LRP6: variants seen among roughly 807,000 people sequenced by gnomAD.
LRP6 encodes low-density lipoprotein receptor-related protein 6.
In LRP6, 43 loss-of-function variants were observed where a neutral mutation model predicts 184.1. The observed-to-expected ratio is 0.23, with a 90% CI of 0.18 to 0.30. LRP6 has a LOEUF of 0.30. Among genes scored for constraint, LRP6 ranks in the 10% least tolerant of loss-of-function variants. LRP6 has a pLI of 1.00. For synonymous variants in LRP6, 719 were observed against 684.9 expected (o/e 1.05, Z -0.78); for missense variants, 1,571 against 2,005.3 (o/e 0.78, Z 4.14).
In LRP6 at chr12:12,163,529, A is replaced by T. The variant is rs528180515; in HGVS notation, c.2052+744T>A. 3.6e-4 allele frequency among the ~76,000 whole-genome samples: 55 copies of T among 152,318 alleles called. No individual in the cohort carries two copies. In the South Asian group the frequency reaches 0.011, roughly 32 times the overall value. On this transcript the variant is annotated intron_variant, in intron 9 of 22. Transcript: ENST00000261349. The stretch of plus-strand genomic sequence containing the variant: ...GAGCTTCCTCTCTGGCTATCCTGGT[A>T]TTCTTTTCAGTAACTATTCTAGGAA...
At chr12:12,144,580 G>A (rs1053963916) in intron 15 of LRP6, among the ~76,000 whole-genome samples, 2 of 152,204 alleles carry the variant, frequency 1.3e-5, no homozygotes, top group Non-Finnish European at 2.9e-5. Context: ...GTTTGAGGCT[G>A]CAGCAAGCTA....
chr12:12,168,434 G>A (rs564271219), intron 7 of LRP6, among the ~76,000 whole-genome samples: 3 of 152,224 alleles, frequency 2.0e-5, no homozygotes, highest in Non-Finnish European at 2.9e-5. Context: ...GGATGCACAC[G>A]ACATGTTTGA....
In LRP6 at chr12:12,150,993, C is replaced by T. The variant is rs779694836; in HGVS notation, c.2837G>A (p.Arg946His). ...LLFSQKSAIN[R>H]MVIDEQQSPD... Reference sequence around the variant, plus strand: ...GCTCTGTTGTTCATCAATCACCATGCGGTTGATGGCACTCTTTTGACTGAA... The same window carrying T: ...GCTCTGTTGTTCATCAATCACCATGTGGTTGATGGCACTCTTTTGACTGAA... The change falls in exon 13 of 23, where the codon CGC (arginine) becomes CAC (histidine). Residue 946 changes from arginine (R) to histidine (H), a missense_variant. Transcript: ENST00000261349. 2 of 1,614,056 alleles carry T rather than the reference C, an allele frequency of 1.2e-6. No homozygotes were observed. The highest frequency in any genetic ancestry group is 8.5e-7 in the Non-Finnish European group (1 of 1,179,968).
At chr12:12,203,585 T>G (rs540356098) in intron 2 of LRP6, among the ~76,000 whole-genome samples, 185 bp from the exon 3 acceptor site, 25 of 152,024 alleles carry the variant, frequency 1.6e-4, no homozygotes, top group Non-Finnish European at 3.2e-4. Flanking sequence ...GCCAACATGG[T>G]AAAAACCCAT....
chr12:12,237,400 G>A (rs1864954149), intron 2 of LRP6, among the ~76,000 whole-genome samples: 1 of 152,172 alleles, frequency 6.6e-6, no homozygotes. Context: ...TTGGCAAACA[G>A]CAAACATCAC....
chr12:12,215,619 G>A (rs1354640999), intron 2 of LRP6, among the ~76,000 whole-genome samples: 2 of 151,774 alleles, frequency 1.3e-5, no homozygotes, highest in African/African-American at 2.4e-5. Context: ...CCAAAGTGCT[G>A]GGATTACAGG....
chr12:12,137,430 C>T (rs368170401), intron 16 of LRP6, among the ~76,000 whole-genome samples: 62 of 152,124 alleles, frequency 4.1e-4, no homozygotes, highest in African/African-American at 1.5e-3. Context: ...TTTCTGGCTA[C>T]TTTTCTTTTT....
intron 2 of LRP6, among the ~76,000 whole-genome samples, chr12:12,236,722 G>C (rs1864940351): frequency 6.6e-6 from 1 of 152,084 alleles, no homozygotes; most frequent in Non-Finnish European, 1.5e-5. Flanking sequence ...CAGAACTCCG[G>C]GAAACACTTT....
At chr12:12,147,794 A>C (rs1950030753) in intron 14 of LRP6, among the ~76,000 whole-genome samples, 2 of 152,030 alleles carry the variant, frequency 1.3e-5, no homozygotes, top group Admixed American at 1.3e-4. Flanking sequence ...CAACACAGCA[A>C]AACCCCATTT....
intron 3 of LRP6, among the ~76,000 whole-genome samples, chr12:12,195,060 T>A (rs1863715602): frequency 1.3e-5 from 2 of 152,162 alleles, no homozygotes; most frequent in Non-Finnish European, 2.9e-5. Context: ...TAAATGGTAT[T>A]CCATTGTGTA....
intron 14 of LRP6, among the ~76,000 whole-genome samples, chr12:12,147,774 C>G (rs1195406247): frequency 6.6e-6 from 1 of 151,918 alleles, no homozygotes; most frequent in African/African-American, 2.4e-5. Context: ...GAGTGAGAGA[C>G]CAGCTTGGGC....
chr12:12,170,409 A>G (rs1368799359), intron 7 of LRP6, among the ~76,000 whole-genome samples: 1 of 152,120 alleles, frequency 6.6e-6, no homozygotes, highest in Non-Finnish European at 1.5e-5. Context: ...CTTTTCTCTC[A>G]ACCTGTAATC....
At chr12:12,158,679 C>G in intron 12 of LRP6, 150 bp downstream of exon 12, 1 of 736,594 alleles carries the variant, frequency 1.4e-6, no homozygotes. Context: ...TAATAAGTAA[C>G]AAACACTTGC....
intron 3 of LRP6, among the ~76,000 whole-genome samples, chr12:12,198,732 C>T (rs910383802): frequency 6.6e-6 from 1 of 151,884 alleles, no homozygotes; most frequent in Non-Finnish European, 1.5e-5. Flanking sequence ...CGGGGTTTCA[C>T]CATGTTGGCA....
chr12:12,165,679 C>A (rs932951813), intron 7 of LRP6, among the ~76,000 whole-genome samples: 30 of 152,218 alleles, frequency 2.0e-4, no homozygotes, highest in African/African-American at 6.5e-4. Flanking sequence ...TTTATAACAT[C>A]TTTTATTTTA....
intron 15 of LRP6, chr12:12,139,018 C>G: frequency 7.7e-7 from 1 of 1,305,192 alleles, no homozygotes; most frequent in East Asian, 5.3e-5. Flanking sequence ...ATAGAGTCAT[C>G]CAGACTCTGA....
rs186542685 is a variant in LRP6, at chr12:12,127,470, T to C, written c.4082-549A>G. 2.0e-3 allele frequency among the ~76,000 whole-genome samples: 304 copies of C among 152,292 alleles called. 1 individual carries two copies. The highest frequency in any genetic ancestry group is 1.5e-3 in the Non-Finnish European group (104 of 68,018). On this transcript the variant is annotated intron_variant, in intron 19 of 22. Transcript: ENST00000261349. ...ATGAATGAAAACTGGAAGCTAAAGA[T>C]AAGCCTCAGCTCTCAAATCCCCTAT...
chr12:12,216,841 C>A, intron 2 of LRP6, among the ~76,000 whole-genome samples: 1 of 151,546 alleles, frequency 6.6e-6, no homozygotes, highest in South Asian at 2.1e-4. Flanking sequence ...CACCCTCCCC[C>A]TCCCTCCCCC....
At chr12:12,136,972 G>T (rs1382161522) in intron 16 of LRP6, among the ~76,000 whole-genome samples, 2 of 152,046 alleles carry the variant, frequency 1.3e-5, no homozygotes, top group African/African-American at 4.8e-5. Flanking sequence ...AATAACTTAG[G>T]TATGATATCA....
Sources: gnomAD v4.1 joint callset for allele counts (sites outside exome capture counted in the v4.1 genomes callset) on GRCh38, gnomAD v4.1.1 for gene constraint, MANE v1.5 for transcripts, NCBI Gene and HGNC (gene_info 2026-07-23, HGNC 2026-07-21) for gene names.